Variants in OPHN1 observed in about 807,000 individuals in gnomAD.
The protein encoded by OPHN1 is oligophrenin-1.
A neutral mutation model predicts 60.7 loss-of-function variants in OPHN1; 11 were observed. The observed-to-expected ratio is 0.18, with a 90% CI of 0.11 to 0.30. The LOEUF (loss-of-function observed/expected upper bound fraction) is 0.30. Ranked by LOEUF, OPHN1 falls within the 10% of genes least tolerant of loss-of-function variation. The probability of loss-of-function intolerance (pLI) is 1.00; values close to 1 mark genes in which losing one functional copy is unlikely to be tolerated. For missense variants in OPHN1, 449 were observed against 611.0 expected, an observed-to-expected ratio of 0.73 and a Z score of 2.80; for synonymous variants, 226 against 222.6, an observed-to-expected ratio of 1.02 and a Z score of -0.14.
rs759798682 is a variant in OPHN1, at chrX:68,219,596, C to G, written c.487-5624G>C. ...ACAAACTATCTCTCAGACCACAGTGCAATCAAACTAGAACTCAGGATTACG... is the reference window on the plus strand; with the variant it reads ...ACAAACTATCTCTCAGACCACAGTGGAATCAAACTAGAACTCAGGATTACG... On this transcript the variant is annotated intron_variant, in intron 6 of 24. Coordinates refer to ENST00000355520, the MANE Select transcript of OPHN1 (RefSeq NM_002547.3). Among the ~76,000 whole-genome samples the G allele has an allele frequency of 1.3e-4, 15 of 111,286 alleles. No homozygotes were observed. In the South Asian group the frequency reaches 5.8e-3, roughly 43 times the overall value.
intron 2 of OPHN1, among the ~76,000 whole-genome samples, chrX:68,333,688 G>GACACAC (rs756801078): frequency 5.8e-5 from 6 of 104,323 alleles, no homozygotes; most frequent in Non-Finnish European, 1.2e-4. Context: ...CACACACACA[G>GACACAC]ACACACACAC....
chrX:68,173,828 G>C (rs1346744684), intron 15 of OPHN1, among the ~76,000 whole-genome samples: 1 of 111,506 alleles, frequency 9.0e-6, no homozygotes, highest in Non-Finnish European at 1.9e-5. Flanking sequence ...TTAATGTTAA[G>C]TGAAAGAAGC....
chrX:68,158,507 TG>T (rs1179833880), intron 15 of OPHN1, among the ~76,000 whole-genome samples: 4 of 112,243 alleles, frequency 3.6e-5, no homozygotes, highest in Non-Finnish European at 7.5e-5. Flanking sequence ...CAACCACAAC[TG>T]GGGAAAATTA....
chrX:68,128,264 AG>A (rs966062680), intron 15 of OPHN1, among the ~76,000 whole-genome samples: 15 of 110,576 alleles, frequency 1.4e-4, no homozygotes, highest in Middle Eastern at 4.7e-3. Context: ...TATGTTGCCC[AG>A]GCTGGTCTAG....
chrX:68,163,287 T>A (rs1176495034), intron 15 of OPHN1, among the ~76,000 whole-genome samples: 1 of 111,522 alleles, frequency 9.0e-6, no homozygotes, highest in East Asian at 2.8e-4. Context: ...ACTGAATTTT[T>A]TTTTGTTGTT....
At chrX:68,077,695 C>G (rs2076958605) in intron 19 of OPHN1, among the ~76,000 whole-genome samples, 1 of 111,976 alleles carries the variant, frequency 8.9e-6, no homozygotes, top group South Asian at 3.7e-4. Flanking sequence ...ACAATCATAA[C>G]CTCTAGGAAA....
chrX:68,173,687 T>C (rs1200940898), intron 15 of OPHN1, among the ~76,000 whole-genome samples: 1 of 110,592 alleles, frequency 9.0e-6, no homozygotes, highest in Non-Finnish European at 1.9e-5. Context: ...ACAACCCTAA[T>C]ATCCATCAAC....
At chrX:68,125,954 T>TATATATATATATATATATATATAC (rs1262640434) in intron 15 of OPHN1, among the ~76,000 whole-genome samples, 916 of 55,500 alleles carry the variant, frequency 0.017, 168 homozygotes, top group Admixed American at 0.024. Flanking sequence ...TATATATATA[T>TATATATATATATATATATATATAC]ATACATACAC....
At position 68,210,041 on chromosome X, in the gene OPHN1, T is replaced by C. The variant is rs17302334; in HGVS notation, c.832+112A>G. On this transcript the variant is annotated intron_variant, in intron 9 of 24. Coordinates refer to ENST00000355520, the MANE Select transcript of OPHN1 (RefSeq NM_002547.3). Reference sequence around the variant, plus strand: ...TTCCCTGCCTGCGTTCCAAGGGAATTTTAGCTATCAGGGGTCTATGAACAG... The same window carrying C: ...TTCCCTGCCTGCGTTCCAAGGGAATCTTAGCTATCAGGGGTCTATGAACAG... 10,033 of 786,551 alleles carry C rather than the reference T, an allele frequency of 0.013. 74 individuals are homozygous for C. The highest frequency in any genetic ancestry group is 0.021 in the Middle Eastern group (74 of 3,583). 64.8% of individuals were successfully genotyped at this position (786,551 alleles called of 1,213,427 possible).
chrX:68,226,564 G>C (rs2077694163), intron 6 of OPHN1, among the ~76,000 whole-genome samples: 1 of 111,850 alleles, frequency 8.9e-6, no homozygotes, highest in African/African-American at 3.3e-5. Context: ...GAAGAGAGTA[G>C]GGGCCAATAT....
At chrX:68,352,940 C>G (rs1333350991) in intron 2 of OPHN1, among the ~76,000 whole-genome samples, 2 of 109,681 alleles carry the variant, frequency 1.8e-5, no homozygotes, top group Non-Finnish European at 3.8e-5. Flanking sequence ...ATTGCTGAGC[C>G]CAGGAGTTCG....
chrX:68,214,044 C>CAGA, intron 6 of OPHN1, 72 bp from the exon 7 acceptor site: 5 of 624,096 alleles, frequency 8.0e-6, no homozygotes, highest in Non-Finnish European at 1.3e-5. Flanking sequence ...AAGGATTGAA[C>CAGA]AGAATGCTAG....
At chrX:68,331,576 A>T (rs1466685997) in intron 2 of OPHN1, among the ~76,000 whole-genome samples, 3 of 108,783 alleles carry the variant, frequency 2.8e-5, no homozygotes, top group Non-Finnish European at 5.7e-5. Flanking sequence ...TACTAAAAAA[A>T]CAAAATCAGC....
chrX:68,152,839 T>G (rs769118014), intron 15 of OPHN1, among the ~76,000 whole-genome samples: 1 of 111,585 alleles, frequency 9.0e-6, no homozygotes, highest in South Asian at 3.8e-4. Flanking sequence ...GTTGACTTAT[T>G]GAAGAATGTA....
chrX:68,433,482 C>A lies in OPHN1; in HGVS notation c.-319G>T. On this transcript the variant is annotated 5_prime_UTR_variant, in exon 1 of 25. Transcript: ENST00000355520. ...TACAGGCTCCTCGCTCCGGAGCGAG[C>A]GGAAGACTTCCTTGGCCGAACTCCG... 1 of 277,875 alleles carries A rather than the reference C, an allele frequency of 3.6e-6. No individual in the cohort carries two copies. Among genetic ancestry groups the A allele is most frequent in the Non-Finnish European group, 6.3e-6 (1 of 158,014 alleles). The allele number at this position is 277,875 out of a possible 1,213,427, so 22.9% of individuals were successfully genotyped here.
At chrX:68,345,212 G>T (rs1048595945) in intron 2 of OPHN1, among the ~76,000 whole-genome samples, 2 of 111,936 alleles carry the variant, frequency 1.8e-5, no homozygotes, top group Non-Finnish European at 3.8e-5. Flanking sequence ...CTTTAAACAA[G>T]GTCTGTCTCA....
intron 15 of OPHN1, among the ~76,000 whole-genome samples, chrX:68,129,900 A>T (rs754122237): frequency 4.5e-5 from 5 of 112,340 alleles, no homozygotes; most frequent in Non-Finnish European, 9.4e-5. Flanking sequence ...AAAAGCAGTA[A>T]TGACTAATGT....
intron 15 of OPHN1, among the ~76,000 whole-genome samples, chrX:68,137,385 A>G (rs942143981): frequency 8.9e-6 from 1 of 112,066 alleles, no homozygotes; most frequent in Non-Finnish European, 1.9e-5. Context: ...TGAAAACCTG[A>G]AAAAACAATG....
chrX:68,336,673 A>AGTGTGT (rs758147589), intron 2 of OPHN1, among the ~76,000 whole-genome samples: 3 of 104,971 alleles, frequency 2.9e-5, no homozygotes, highest in African/African-American at 7.0e-5. Flanking sequence ...TGTGTGTGAG[A>AGTGTGT]GTGTGTGTGT....
Sources: gnomAD v4.1 joint callset for allele counts (sites outside exome capture counted in the v4.1 genomes callset) on GRCh38, gnomAD v4.1.1 for gene constraint, MANE v1.5 for transcripts, NCBI Gene and HGNC (gene_info 2026-07-23, HGNC 2026-07-21) for gene names.